The following PHF14 variants were observed in gnomAD, a reference collection of about 807,000 sequenced individuals.
PHF14 encodes PHD finger protein 14.
In PHF14, 55 loss-of-function variants were observed where a neutral mutation model predicts 117.9. The observed-to-expected ratio is 0.47, with a 90% CI of 0.38 to 0.58. The LOEUF is 0.58. Among genes scored for constraint, PHF14 ranks in the 20% least tolerant of loss-of-function variants. The probability of loss-of-function intolerance (pLI) is 0.00; values close to 1 mark genes in which losing one functional copy is unlikely to be tolerated. For missense variants in PHF14, 978 were observed against 1,122.2 expected (o/e 0.87, Z 1.84); for synonymous variants, 409 against 368.6 (o/e 1.11, Z -1.26).
intron 2 of PHF14, among the ~76,000 whole-genome samples, chr7:10,981,470 A>C (rs1782041681): frequency 6.6e-6 from 1 of 152,158 alleles, no homozygotes; most frequent in Non-Finnish European, 1.5e-5. Flanking sequence ...CTGAGTTACT[A>C]AGTAGTGTTG....
At chr7:11,065,277 C>G (rs1469742103) in intron 16 of PHF14, among the ~76,000 whole-genome samples, 1 of 151,972 alleles carries the variant, frequency 6.6e-6, no homozygotes, top group African/African-American at 2.4e-5. Context: ...TGCTAAAGGT[C>G]AAGTTGAAAC....
chr7:10,997,439 T>TG (rs900189976), intron 4 of PHF14, among the ~76,000 whole-genome samples: 7 of 152,324 alleles, frequency 4.6e-5, no homozygotes, highest in Middle Eastern at 3.4e-3. Context: ...TTATTTTAGA[T>TG]GCTGTATTGA....
intron 6 of PHF14, among the ~76,000 whole-genome samples, chr7:11,026,737 T>A (rs925265945): frequency 3.1e-4 from 47 of 151,862 alleles, no homozygotes; most frequent in African/African-American, 1.1e-3. Context: ...TTTTTTTTTT[T>A]TAAATTTAAT....
chr7:11,035,623 G>T lies in PHF14; in HGVS notation c.1456-17G>T, dbSNP rs1220280424. Reference sequence around the variant, plus strand: ...GAGTACAAATGTTCACTATTTTTCTGTGCTTTCTTTGTATAGGATATAGCA... The same window carrying T: ...GAGTACAAATGTTCACTATTTTTCTTTGCTTTCTTTGTATAGGATATAGCA... On this transcript the variant is annotated splice_polypyrimidine_tract_variant and intron_variant, in intron 7 of 17. Coordinates refer to ENST00000634607, the MANE Select transcript of PHF14 (RefSeq NM_001007157.2). 4 of 1,531,926 alleles carry T rather than the reference G, an allele frequency of 2.6e-6. No homozygotes were observed. Among genetic ancestry groups the T allele is most frequent in the Non-Finnish European group, 3.5e-6 (4 of 1,131,022 alleles). The allele number at this position is 1,531,926 out of a possible 1,614,324, so 94.9% of individuals were successfully genotyped here.
At chr7:11,090,543 C>A (rs909295080) in intron 16 of PHF14, among the ~76,000 whole-genome samples, 5 of 152,088 alleles carry the variant, frequency 3.3e-5, no homozygotes, top group Admixed American at 6.6e-5. Flanking sequence ...AAATGTAGAT[C>A]TTTTTTTAAA....
At chr7:11,005,157 CTG>C (rs1366722678) in intron 4 of PHF14, among the ~76,000 whole-genome samples, 2 of 151,714 alleles carry the variant, frequency 1.3e-5, no homozygotes, top group Non-Finnish European at 2.9e-5. Context: ...CTTTGAGACT[CTG>C]TTAATATGCC....
chr7:11,160,991 G>A lies in PHF14; in HGVS notation c.2773-8425G>A, dbSNP rs139813269. Among the ~76,000 whole-genome samples the A allele has an allele frequency of 3.4e-4, 51 of 152,132 alleles. No individual in the cohort carries two copies. The East Asian group carries it at 7.5e-3, about 23-fold the overall frequency. ...ACATAGTCATAAATTCTTTCCACAG[G>A]CAGATGTCCAGAATGGTGTTTCCTA... On this transcript the variant is annotated intron_variant, in intron 17 of 17. Coordinates refer to ENST00000634607, the MANE Select transcript of PHF14 (RefSeq NM_001007157.2).
At chr7:11,140,230 A>G (rs1335551210) in intron 17 of PHF14, among the ~76,000 whole-genome samples, 1 of 152,036 alleles carries the variant, frequency 6.6e-6, no homozygotes, top group Non-Finnish European at 1.5e-5. Flanking sequence ...ATACGACCCT[A>G]CCGTATATAC....
intron 16 of PHF14, among the ~76,000 whole-genome samples, chr7:11,094,113 C>T (rs888949213): frequency 6.6e-6 from 1 of 152,184 alleles, no homozygotes; most frequent in African/African-American, 2.4e-5. Flanking sequence ...CAGGTCTACA[C>T]TGCCAACCAG....
At chr7:11,103,256 G>A in intron 16 of PHF14, 1 of 885,764 alleles carries the variant, frequency 1.1e-6, no homozygotes, top group Non-Finnish European at 1.4e-6. Flanking sequence ...TATCTGTGTT[G>A]ATCTCTAGAT....
intron 17 of PHF14, among the ~76,000 whole-genome samples, chr7:11,138,838 C>A (rs1017728336): frequency 6.6e-6 from 1 of 152,126 alleles, no homozygotes; most frequent in African/African-American, 2.4e-5. Context: ...ATTTGCTTCA[C>A]TGTCGTTTGC....
intron 10 of PHF14, 134 bp downstream of exon 10, chr7:11,037,225 A>C: frequency 1.5e-6 from 1 of 648,556 alleles, no homozygotes; most frequent in Non-Finnish European, 2.5e-6. Context: ...TATAACTCCT[A>C]CTCCTCATTA....
Position 11,080,756 on chromosome 7 carries a change from G to T in PHF14, c.2654+18671G>T, listed in dbSNP as rs1194168231. Among the ~76,000 whole-genome samples the T allele has an allele frequency of 5.3e-5, 8 of 152,274 alleles. No homozygotes were observed. In the East Asian group the frequency reaches 1.3e-3, roughly 26 times the overall value. On this transcript the variant is annotated intron_variant, in intron 16 of 17. Coordinates refer to ENST00000634607, the MANE Select transcript of PHF14 (RefSeq NM_001007157.2). The stretch of plus-strand genomic sequence containing the variant: ...TGGTTTCAACCAAAAATGACTGAAG[G>T]ACTTTGTTAGTGATGTGATTAAAGC...
In PHF14 at chr7:11,015,799, T is replaced by TG. The variant is rs2128316777; in HGVS notation, c.1205+1895dup. On this transcript the variant is annotated intron_variant, in intron 5 of 17. Transcript: ENST00000634607. ...TTGCTCCACTTATTTTAGGTAATCA[T>TG]GGAGTATTAGCTCATGCATAGATTT... Among the ~76,000 whole-genome samples, 2 of 152,076 alleles carry TG rather than the reference T, an allele frequency of 1.3e-5. 1 individual carries two copies. Among genetic ancestry groups the TG allele is most frequent in the South Asian group, 4.1e-4 (2 of 4,830 alleles).
intron 6 of PHF14, among the ~76,000 whole-genome samples, chr7:11,025,693 G>A (rs149473240): frequency 0.012 from 1,789 of 152,288 alleles, 39 homozygotes; most frequent in African/African-American, 0.041. Flanking sequence ...TACTTGGGAG[G>A]CTGAGGCAGG....
intron 17 of PHF14, among the ~76,000 whole-genome samples, chr7:11,162,122 T>TCCCA (rs1276052850): frequency 3.7e-5 from 5 of 135,936 alleles, no homozygotes; most frequent in African/African-American, 1.3e-4. Context: ...AGAGCCTTGC[T>TCCCA]CTGTCTCCCA....
intron 17 of PHF14, among the ~76,000 whole-genome samples, chr7:11,138,041 C>CTT (rs34783802): frequency 6.5e-4 from 94 of 145,536 alleles, no homozygotes; most frequent in Middle Eastern, 7.1e-3. Context: ...AAAAATACTT[C>CTT]TTTTTTTTTT....
intron 6 of PHF14, among the ~76,000 whole-genome samples, chr7:11,027,432 TGTCA>T (rs1783963446): frequency 6.6e-6 from 1 of 152,160 alleles, no homozygotes; most frequent in Admixed American, 6.5e-5. Context: ...AATTGTCCAT[TGTCA>T]GTCTTTCATA....
intron 5 of PHF14, among the ~76,000 whole-genome samples, chr7:11,021,431 G>A (rs913052693): frequency 6.6e-6 from 1 of 152,176 alleles, no homozygotes; most frequent in Non-Finnish European, 1.5e-5. Flanking sequence ...CATTGACTTT[G>A]ATAGGTATTT....
Sources: allele counts gnomAD v4.1 joint callset (sites outside exome capture counted in the v4.1 genomes callset), GRCh38; gene constraint gnomAD v4.1.1; transcripts MANE v1.5; gene names NCBI Gene and HGNC (gene_info 2026-07-23, HGNC 2026-07-21).